Variants in ELOVL2 observed in about 807,000 individuals in gnomAD.
ELOVL2 encodes the protein very long chain fatty acid elongase 2.
A neutral mutation model predicts 37.7 loss-of-function variants in ELOVL2; 38 were observed. The observed-to-expected ratio is 1.01, with a 90% CI of 0.78 to 1.32. The LOEUF (loss-of-function observed/expected upper bound fraction) is 1.32, where lower values mean the gene tolerates loss of function less well. Ranked by LOEUF, ELOVL2 falls within the 40% of genes most tolerant of loss-of-function variation. The probability of loss-of-function intolerance (pLI) is 0.00; values close to 1 mark genes in which losing one functional copy is unlikely to be tolerated. For missense variants in ELOVL2, 352 were observed against 363.6 expected (o/e 0.97, Z 0.26); for synonymous variants, 115 against 122.3 (o/e 0.94, Z 0.40).
chr6:11,035,053 CACCT>C (rs1782986181), intron 1 of ELOVL2, among the ~76,000 whole-genome samples: 1 of 152,098 alleles, frequency 6.6e-6, no homozygotes, highest in Admixed American at 6.5e-5. Flanking sequence ...ACTTACTGAG[CACCT>C]AATCTGTGCT....
At chr6:11,036,885 G>A (rs1028797400) in intron 1 of ELOVL2, among the ~76,000 whole-genome samples, 2 of 150,034 alleles carry the variant, frequency 1.3e-5, no homozygotes, top group Admixed American at 1.3e-4. Context: ...GACATATTCT[G>A]TTTTCTTCTT....
At chr6:11,011,741 T>C (rs2113525500) in intron 1 of ELOVL2, among the ~76,000 whole-genome samples, 1 of 152,338 alleles carries the variant, frequency 6.6e-6, no homozygotes, top group East Asian at 1.9e-4. Context: ...ATTGTCACTT[T>C]CACTGGATTC....
At chr6:11,002,830 C>T (rs1453132620) in intron 3 of ELOVL2, among the ~76,000 whole-genome samples, 1 of 152,222 alleles carries the variant, frequency 6.6e-6, no homozygotes, top group Non-Finnish European at 1.5e-5. Flanking sequence ...GTGTCTTATC[C>T]ATCTTATACC....
chr6:11,033,298 T>C (rs1403937090), intron 1 of ELOVL2, among the ~76,000 whole-genome samples: 1 of 152,250 alleles, frequency 6.6e-6, no homozygotes, highest in Non-Finnish European at 1.5e-5. Flanking sequence ...TGCATTCTTT[T>C]CCTCATTATT....
intron 5 of ELOVL2, among the ~76,000 whole-genome samples, chr6:10,992,390 A>G (rs1782178222): frequency 6.6e-6 from 1 of 151,576 alleles, no homozygotes; most frequent in Admixed American, 6.6e-5. Flanking sequence ...AGTATCAAAT[A>G]GAGAGTACTG....
At chr6:10,989,653 A>AAG (rs397935311) in intron 7 of ELOVL2, 50 bp downstream of exon 7, 28 of 1,573,834 alleles carry the variant, frequency 1.8e-5, no homozygotes, top group Non-Finnish European at 2.3e-5. Flanking sequence ...AAAAAAAAAA[A>AAG]TAGTGCCAAT....
chr6:11,026,708 G>A (rs1436075309), intron 1 of ELOVL2, among the ~76,000 whole-genome samples: 1 of 152,098 alleles, frequency 6.6e-6, no homozygotes, highest in African/African-American at 2.4e-5. Flanking sequence ...CGTACTAAAA[G>A]GCCTCTCTAG....
chr6:11,017,508 C>T (rs1244421113), intron 1 of ELOVL2, among the ~76,000 whole-genome samples: 2 of 152,274 alleles, frequency 1.3e-5, no homozygotes, highest in African/African-American at 4.8e-5. Flanking sequence ...GCCCTGAGGC[C>T]ACAGGACAGT....
Position 11,014,401 on chromosome 6 carries a change from T to C in ELOVL2, c.4-3592A>G, listed in dbSNP as rs559362648. Among the ~76,000 whole-genome samples the C allele has an allele frequency of 2.9e-3, 435 of 150,126 alleles. 1 individual carries two copies. The highest frequency in any genetic ancestry group is 4.7e-3 in the Non-Finnish European group (319 of 67,534). ...GGCTGAGGCGGGAGAATCACTTGAA[T>C]GCAGGAGGCGGAGGTTGCAGTGAGC... On this transcript the variant is annotated intron_variant, in intron 1 of 7. Coordinates refer to ENST00000354666, the MANE Select transcript of ELOVL2 (RefSeq NM_017770.4).
chr6:10,989,843 G>A lies in ELOVL2; in HGVS notation c.631-6C>T. 1 of 1,614,070 alleles carries A rather than the reference G, an allele frequency of 6.2e-7. No individual in the cohort carries two copies. Among genetic ancestry groups the A allele is most frequent in the South Asian group, 1.1e-5 (1 of 91,074 alleles). On this transcript the variant is annotated splice_polypyrimidine_tract_variant and splice_region_variant and intron_variant, in intron 6 of 7. Transcript: ENST00000354666. Reference sequence around the variant, plus strand: ...ATGGTGAGCACGAACTGCACCTGGGGACGGCAGAGAGGGCATCTCTGTGAG... The same window carrying A: ...ATGGTGAGCACGAACTGCACCTGGGAACGGCAGAGAGGGCATCTCTGTGAG...
intron 1 of ELOVL2, among the ~76,000 whole-genome samples, chr6:11,042,428 G>C (rs973460476): frequency 3.3e-5 from 5 of 152,006 alleles, no homozygotes; most frequent in Non-Finnish European, 7.4e-5. Flanking sequence ...ATCACACTTG[G>C]GCAGGATAAA....
At chr6:11,010,119 G>T (rs963105587) in intron 2 of ELOVL2, among the ~76,000 whole-genome samples, 1 of 151,614 alleles carries the variant, frequency 6.6e-6, no homozygotes, top group African/African-American at 2.4e-5. Context: ...TGCCTCCTGG[G>T]TTCAAGTGAT....
intron 1 of ELOVL2, among the ~76,000 whole-genome samples, chr6:11,042,846 T>C (rs903371469): frequency 6.6e-6 from 1 of 152,134 alleles, no homozygotes; most frequent in Non-Finnish European, 1.5e-5. Context: ...ATTGGGTTAA[T>C]TCAAAAGAGT....
chr6:11,001,414 T>G (rs1782378635), intron 3 of ELOVL2, among the ~76,000 whole-genome samples: 1 of 152,236 alleles, frequency 6.6e-6, no homozygotes, highest in African/African-American at 2.4e-5. Flanking sequence ...AGTTCTCAAC[T>G]GGGAATCAGC....
chr6:11,026,607 C>T (rs1475470990), intron 1 of ELOVL2, among the ~76,000 whole-genome samples: 1 of 152,134 alleles, frequency 6.6e-6, no homozygotes, highest in African/African-American at 2.4e-5. Flanking sequence ...TTGTTTCACT[C>T]GACTAACTAG....
intron 3 of ELOVL2, 70 bp downstream of exon 3, chr6:11,005,302 A>G: frequency 7.4e-7 from 1 of 1,355,692 alleles, no homozygotes; most frequent in Non-Finnish European, 1.0e-6. Flanking sequence ...CTGCCAGGCT[A>G]GATGTGGTTG....
At chr6:11,001,165 TAGAG>T (rs777100360) in intron 3 of ELOVL2, among the ~76,000 whole-genome samples, 12 of 152,116 alleles carry the variant, frequency 7.9e-5, no homozygotes, top group South Asian at 2.1e-4. Context: ...AATTAATTGT[TAGAG>T]AGAGAGAGAT....
In ELOVL2 at chr6:11,012,826, A is replaced by G. The variant is rs1782607921; in HGVS notation, c.4-2017T>C. 2.0e-5 allele frequency among the ~76,000 whole-genome samples: 3 copies of G among 152,228 alleles called. No individual in the cohort carries two copies. The South Asian group carries it at 6.2e-4, about 32-fold the overall frequency. On this transcript the variant is annotated intron_variant, in intron 1 of 7. Coordinates refer to ENST00000354666, the MANE Select transcript of ELOVL2 (RefSeq NM_017770.4). ...TAGCACTGTTATATGCTGAAAAATA[A>G]AGTCAAATGAGATGTGGTCCTTATC... is the stretch of plus-strand genomic sequence containing the variant.
intron 1 of ELOVL2, among the ~76,000 whole-genome samples, chr6:11,040,414 A>G (rs899651703): frequency 4.0e-5 from 6 of 150,180 alleles, no homozygotes; most frequent in Non-Finnish European, 8.9e-5. Flanking sequence ...CACTCTAAGC[A>G]TAAAATACAC....
Sources: gnomAD v4.1 joint callset for allele counts (sites outside exome capture counted in the v4.1 genomes callset) on GRCh38, gnomAD v4.1.1 for gene constraint, MANE v1.5 for transcripts, NCBI Gene and HGNC (gene_info 2026-07-23, HGNC 2026-07-21) for gene names.